EMID1: variants seen among roughly 807,000 people sequenced by gnomAD.
EMID1 encodes the protein EMI domain containing 1, also known as EMI domain-containing protein 1.
EMID1 carries 40 observed loss-of-function variants against 60.6 expected under a neutral mutation model. That is an observed-to-expected ratio of 0.66 (90% CI 0.51 to 0.86). The LOEUF is 0.86. Ranked by LOEUF, EMID1 falls within the 40% of genes least tolerant of loss-of-function variation. The pLI is 0.00. For synonymous variants in EMID1, 242 were observed against 231.0 expected, an observed-to-expected ratio of 1.05 and a Z score of -0.43; for missense variants, 585 against 597.1, an observed-to-expected ratio of 0.98 and a Z score of 0.21.
chr22:29,225,017 C>A, intron 3 of EMID1, 116 bp from the exon 4 acceptor site: 1 of 1,022,614 alleles, frequency 9.8e-7, no homozygotes, highest in Non-Finnish European at 1.5e-6. Context: ...TCCTCTGGGC[C>A]TCTGTGTCCT....
chr22:29,243,583 C>T lies in EMID1; in HGVS notation c.1119+94C>T, dbSNP rs1602023448. On this transcript the variant is annotated intron_variant, in intron 13 of 14. Coordinates refer to ENST00000334018, the MANE Select transcript of EMID1 (RefSeq NM_133455.4). ...CCCCAGGAGGCCCTGGGAGTGGGAG[C>T]ATCCCATCCACATCCCCACTACAGC... 3 of 1,424,162 alleles carry T rather than the reference C, an allele frequency of 2.1e-6. No homozygotes were observed. In the South Asian group the frequency reaches 3.5e-5, roughly 17 times the overall value. The allele number at this position is 1,424,162 out of a possible 1,614,324, so 88.2% of individuals were successfully genotyped here. A position where few individuals can be genotyped will look rare whatever the true frequency, so the allele number is the denominator to read the frequency against.
intron 10 of EMID1, 187 bp downstream of exon 10, chr22:29,233,853 T>C: frequency 1.0e-5 from 7 of 698,784 alleles, no homozygotes; most frequent in Non-Finnish European, 1.7e-5. Context: ...ATAAATCTTA[T>C]TCAATCCAAG....
intron 13 of EMID1, among the ~76,000 whole-genome samples, chr22:29,244,282 G>A (rs1020092092): frequency 3.9e-5 from 6 of 152,034 alleles, no homozygotes; most frequent in African/African-American, 1.2e-4. Flanking sequence ...CATGATTAAT[G>A]TGGGGTCCTA....
chr22:29,209,509 C>T (rs1014061773), intron 1 of EMID1, among the ~76,000 whole-genome samples: 1 of 151,856 alleles, frequency 6.6e-6, no homozygotes, highest in Non-Finnish European at 1.5e-5. Context: ...GTGGAAACCT[C>T]GGGTCCCAGC....
At position 29,225,165 on chromosome 22, in the gene EMID1, TG is replaced by T. The variant is rs1292318807; in HGVS notation, c.354del (p.Trp118CysfsTer28). The T allele has an allele frequency of 6.2e-7, 1 of 1,614,026 alleles. No homozygotes were observed. Among genetic ancestry groups the T allele is most frequent in the Admixed American group, 1.7e-5 (1 of 60,024 alleles). ...AASSASLEPMWSGSTMRRMAL... is the reference protein window; with the variant it reads ...AASSASLEPMXSGSTMRRMAL... ...TTCCTCTGCCTCCTTGGAGCCCATG[TG>T]GTCGGGCAGTACCATGCGGCGGATG... On this transcript the variant is annotated frameshift_variant, in exon 4 of 15. Coordinates refer to ENST00000334018, the MANE Select transcript of EMID1 (RefSeq NM_133455.4). LOFTEE classifies it high-confidence loss of function.
At chr22:29,253,615 T>C (rs1278369261) in intron 13 of EMID1, among the ~76,000 whole-genome samples, 1 of 152,230 alleles carries the variant, frequency 6.6e-6, no homozygotes, top group African/African-American at 2.4e-5. Flanking sequence ...TGTGATATTT[T>C]CAACTTACAC....
intron 5 of EMID1, 113 bp downstream of exon 5, chr22:29,226,664 GA>G: frequency 9.3e-7 from 1 of 1,073,626 alleles, no homozygotes; most frequent in Non-Finnish European, 1.3e-6. Context: ...CACCCTCAGT[GA>G]ACCCACAGGG....
At chr22:29,219,178 G>C (rs995545720) in intron 3 of EMID1, among the ~76,000 whole-genome samples, 1 of 152,152 alleles carries the variant, frequency 6.6e-6, no homozygotes. Flanking sequence ...TGCAGTCAGG[G>C]GTCTTTCCCC....
intron 2 of EMID1, 129 bp downstream of exon 2, chr22:29,215,168 C>T: frequency 7.0e-7 from 1 of 1,421,100 alleles, no homozygotes; most frequent in Non-Finnish European, 9.2e-7. Context: ...GCAAAGGTAG[C>T]ATCAGCCGAC....
rs145715265 is a variant in EMID1 at position 29,258,873 on chromosome 22, C to T, written c.1261C>T (p.Arg421Trp). 1.9e-5 allele frequency: 31 copies of T among 1,613,266 alleles called. 1 individual carries two copies. The highest frequency in any genetic ancestry group is 4.0e-5 in the African/African-American group (3 of 75,034). Residue 421 changes from arginine (R) to tryptophan (W), a missense_variant, in exon 15 of 15, where the codon CGG becomes TGG. By Grantham distance (101) the Arg-to-Trp change is moderately radical. Coordinates refer to ENST00000334018, the MANE Select transcript of EMID1 (RefSeq NM_133455.4). ...PAGTGTPSLL[R>W]GKRGGHATNY... is the part of the protein sequence containing the mutation. ...CGGCACAGGCACCCCCAGCCTCCTT[C>T]GGGGCAAGAGGGGCGGACATGCAAC...
chr22:29,220,332 GC>G (rs1175866052), intron 3 of EMID1, among the ~76,000 whole-genome samples: 5 of 152,320 alleles, frequency 3.3e-5, no homozygotes, highest in African/African-American at 1.2e-4. Context: ...TAGGAACTTT[GC>G]CTACCCTGAG....
At chr22:29,232,921 T>TTTTGGTGCTGGG (rs2040809637) in intron 8 of EMID1, 1 of 186,124 alleles carries the variant, frequency 5.4e-6, no homozygotes, top group African/African-American at 2.4e-5. Context: ...TCCACTGTGT[T>TTTTGGTGCTGGG]TTTGGTGCAC....
At chr22:29,243,878 C>G (rs1383073250) in intron 13 of EMID1, among the ~76,000 whole-genome samples, 4 of 151,732 alleles carry the variant, frequency 2.6e-5, no homozygotes, top group African/African-American at 9.7e-5. Context: ...CCCTTGTCTG[C>G]AGAACAAAGG....
chr22:29,254,542 G>T (rs1217407536), intron 14 of EMID1: 1 of 452,836 alleles, frequency 2.2e-6, no homozygotes, highest in East Asian at 4.0e-5. Flanking sequence ...ATTATGGGTA[G>T]TGTGGTTTCT....
chr22:29,246,822 A>G (rs1350844150), intron 13 of EMID1, among the ~76,000 whole-genome samples: 3 of 152,078 alleles, frequency 2.0e-5, no homozygotes, highest in Non-Finnish European at 4.4e-5. Context: ...TTTTAATTTT[A>G]TGTTTTAAAA....
intron 2 of EMID1, 104 bp from the exon 3 acceptor site, chr22:29,215,423 C>A: frequency 7.5e-7 from 1 of 1,324,698 alleles, no homozygotes; most frequent in Admixed American, 2.1e-5. Context: ...CTGGAGGCAG[C>A]AGAGGATCCT....
chr22:29,215,148 G>T, intron 2 of EMID1, 109 bp downstream of exon 2: 1 of 1,430,724 alleles, frequency 7.0e-7, no homozygotes. Flanking sequence ...TGGACCCCAG[G>T]GTGGGCGGAG....
chr22:29,250,695 T>C (rs1210021972), intron 13 of EMID1, among the ~76,000 whole-genome samples: 1 of 134,820 alleles, frequency 7.4e-6, no homozygotes, highest in African/African-American at 2.7e-5. Context: ...GCCTCCAGAG[T>C]GGCTGGGATT....
At chr22:29,247,874 G>A (rs1026185962) in intron 13 of EMID1, among the ~76,000 whole-genome samples, 2 of 151,350 alleles carry the variant, frequency 1.3e-5, no homozygotes, top group Admixed American at 6.6e-5. Flanking sequence ...CAAGTGATCC[G>A]CCCACCTCAG....
Sources: gnomAD v4.1 joint callset for allele counts (sites outside exome capture counted in the v4.1 genomes callset) on GRCh38, gnomAD v4.1.1 for gene constraint, MANE v1.5 for transcripts, NCBI Gene and HGNC (gene_info 2026-07-23, HGNC 2026-07-21) for gene names.